Variants in PRKX observed in about 807,000 individuals in gnomAD.
PRKX encodes protein kinase cAMP-dependent X-linked catalytic subunit.
Under a neutral mutation model 22.0 loss-of-function variants are expected in PRKX, and 12 were observed. The ratio of observed to expected loss-of-function variants is 0.54; its 90% CI spans 0.35 to 0.88. The LOEUF is 0.88. Ranked by LOEUF, PRKX falls within the 40% of genes least tolerant of loss-of-function variation. PRKX has a pLI of 0.01. For synonymous variants in PRKX, 134 were observed against 137.7 expected (o/e 0.97, Z 0.19); for missense variants, 217 against 308.0 (o/e 0.70, Z 2.21).
intron 2 of PRKX, among the ~76,000 whole-genome samples, chrX:3,665,403 G>A (rs1318839449): frequency 9.0e-6 from 1 of 110,577 alleles, no homozygotes; most frequent in Non-Finnish European, 1.9e-5. Flanking sequence ...TTGAACCCAG[G>A]AGGCACAGGT....
chrX:3,623,910 T>C (rs903031019), intron 5 of PRKX, among the ~76,000 whole-genome samples: 29 of 112,191 alleles, frequency 2.6e-4, no homozygotes, highest in African/African-American at 9.4e-4. Context: ...GATATTTATT[T>C]CTATAAGGAA....
intron 4 of PRKX, among the ~76,000 whole-genome samples, chrX:3,638,402 C>T (rs369300183): frequency 1.8e-5 from 2 of 111,468 alleles, no homozygotes; most frequent in Non-Finnish European, 1.9e-5. Context: ...TTGGGGCACA[C>T]GAACCTCACT....
intron 6 of PRKX, among the ~76,000 whole-genome samples, chrX:3,617,911 T>C (rs1456831383): frequency 9.2e-6 from 1 of 109,240 alleles, no homozygotes; most frequent in Non-Finnish European, 1.9e-5. Flanking sequence ...AATAAATGAC[T>C]ATGTCCCTGG....
intron 4 of PRKX, among the ~76,000 whole-genome samples, chrX:3,637,372 A>G (rs1275091317): frequency 9.0e-6 from 1 of 111,026 alleles, no homozygotes; most frequent in Non-Finnish European, 1.9e-5. Flanking sequence ...GAATAGGGAC[A>G]CAGCTGATGG....
At chrX:3,663,322 G>A (rs906615483) in intron 2 of PRKX, among the ~76,000 whole-genome samples, 2 of 107,975 alleles carry the variant, frequency 1.9e-5, no homozygotes, top group Admixed American at 1.0e-4. Context: ...AAGGCATGGC[G>A]GTGTGCACCT....
Position 3,672,039 on chromosome X carries a change from A to G in PRKX, c.335+2559T>C, listed in dbSNP as rs751565358. ...TGTTTTTTAAAAATTAAAAATAAATAAAAACATTAGCAGGGTGTAGTGATG... is the reference window on the plus strand; with the variant it reads ...TGTTTTTTAAAAATTAAAAATAAATGAAAACATTAGCAGGGTGTAGTGATG... On this transcript the variant is annotated intron_variant, in intron 2 of 8. Coordinates refer to ENST00000262848, the MANE Select transcript of PRKX (RefSeq NM_005044.5). Among the ~76,000 whole-genome samples, 35 of 111,351 alleles carry G rather than the reference A, an allele frequency of 3.1e-4. No individual in the cohort carries two copies. The East Asian group carries it at 9.6e-3, about 30-fold the overall frequency.
intron 1 of PRKX, among the ~76,000 whole-genome samples, chrX:3,692,925 A>G (rs1928363817): frequency 9.0e-6 from 1 of 111,168 alleles, no homozygotes; most frequent in African/African-American, 3.3e-5. Context: ...GGCTTCTAAC[A>G]CTCCATAACC....
chrX:3,677,627 T>A (rs1244515530), intron 1 of PRKX, among the ~76,000 whole-genome samples: 22 of 112,104 alleles, frequency 2.0e-4, no homozygotes, highest in African/African-American at 6.5e-4. Context: ...GAAAAAGTTG[T>A]ACTTAAGCTA....
chrX:3,676,174 T>A (rs994152677), intron 1 of PRKX, among the ~76,000 whole-genome samples: 6 of 111,839 alleles, frequency 5.4e-5, no homozygotes, highest in Non-Finnish European at 1.1e-4. Context: ...CAGACAGAGA[T>A]GAGCAACTAA....
rs1190588964 is a variant in PRKX at position 3,607,622 on chromosome X, G to A, written c.*1347C>T. 1 of 110,951 alleles carries A rather than the reference G, an allele frequency of 9.0e-6. No individual in the cohort carries two copies. The highest frequency in any genetic ancestry group is 3.3e-5 in the African/African-American group (1 of 30,105). 9.1% of individuals were successfully genotyped at this position (110,951 alleles called of 1,213,427 possible). A position where few individuals can be genotyped will look rare whatever the true frequency, so the allele number is the denominator to read the frequency against. On this transcript the variant is annotated 3_prime_UTR_variant, in exon 9 of 9. Transcript: ENST00000262848. ...TGAGTTGACCTCCACGTGAAGAAAA[G>A]GTCACTGATGAAAAAGGGTGGCTAT...
At chrX:3,618,384 A>C (rs185513116) in intron 6 of PRKX, among the ~76,000 whole-genome samples, 1 of 111,501 alleles carries the variant, frequency 9.0e-6, no homozygotes, top group Non-Finnish European at 1.9e-5. Context: ...TTGTGAGGCC[A>C]AGGTGGGCGG....
intron 1 of PRKX, among the ~76,000 whole-genome samples, chrX:3,707,906 A>G (rs1358362420): frequency 9.0e-6 from 1 of 111,707 alleles, no homozygotes; most frequent in Admixed American, 9.5e-5. Context: ...AACACTCCTA[A>G]TTGCTATGTC....
chrX:3,689,781 T>A (rs1009252111), intron 1 of PRKX, among the ~76,000 whole-genome samples: 2 of 111,581 alleles, frequency 1.8e-5, no homozygotes, highest in African/African-American at 3.3e-5. Flanking sequence ...ATCGAGACCA[T>A]CCTGGCTAAC....
intron 1 of PRKX, among the ~76,000 whole-genome samples, chrX:3,704,743 T>A (rs547617969): frequency 9.0e-6 from 1 of 111,638 alleles, no homozygotes; most frequent in South Asian, 3.7e-4. Flanking sequence ...TCCAGTTGCA[T>A]CCACATTGTT....
At chrX:3,648,635 T>TGTGTGTGTGTGCGC (rs1555894783) in intron 3 of PRKX, among the ~76,000 whole-genome samples, 1 of 105,961 alleles carries the variant, frequency 9.4e-6, no homozygotes, top group African/African-American at 3.5e-5. Flanking sequence ...TGTGTGTGTG[T>TGTGTGTGTGTGCGC]GTGTGTGTGT....
chrX:3,677,631 T>C (rs1250187615), intron 1 of PRKX, among the ~76,000 whole-genome samples: 1 of 112,103 alleles, frequency 8.9e-6, no homozygotes, highest in Non-Finnish European at 1.9e-5. Context: ...AAGTTGTACT[T>C]AAGCTACCAA....
chrX:3,693,543 G>A (rs1373736110), intron 1 of PRKX, among the ~76,000 whole-genome samples: 3 of 110,952 alleles, frequency 2.7e-5, no homozygotes, highest in Non-Finnish European at 5.7e-5. Flanking sequence ...TAACCCAGGG[G>A]ATGTATTGAG....
chrX:3,701,203 G>A (rs188212139), intron 1 of PRKX, among the ~76,000 whole-genome samples: 1 of 110,924 alleles, frequency 9.0e-6, no homozygotes, highest in East Asian at 2.8e-4. Flanking sequence ...CCAACTCCTG[G>A]GCTCAAATGA....
rs2302751 is a variant in PRKX, at chrX:3,615,851, G to A, written c.915C>T (p.Ser305=). The A allele has an allele frequency of 9.1e-4, 1,101 of 1,205,874 alleles. 15 individuals carry two copies. In the East Asian group the frequency reaches 0.029, roughly 32 times the overall value. ...NDVKHHRWFR[S]VDWEAVPQRK... ...TCTGCGGAACAGCTTCCCAGTCCAC[G>A]GAGCGGAACCACCGATGATGCTTCA... Residue 305 remains serine (S), a synonymous_variant, in exon 7 of 9, where the codon TCC becomes TCT. Coordinates refer to ENST00000262848, the MANE Select transcript of PRKX (RefSeq NM_005044.5).
Sources: gnomAD v4.1 joint callset for allele counts (sites outside exome capture counted in the v4.1 genomes callset) on GRCh38, gnomAD v4.1.1 for gene constraint, MANE v1.5 for transcripts, NCBI Gene and HGNC (gene_info 2026-07-23, HGNC 2026-07-21) for gene names.